RAB3IP: variants seen among roughly 807,000 people sequenced by gnomAD.
RAB3IP encodes the protein rab-3A-interacting protein.
A neutral mutation model predicts 59.1 loss-of-function variants in RAB3IP; 36 were observed. The observed-to-expected ratio is 0.61, with a 90% CI of 0.47 to 0.80. RAB3IP has a LOEUF of 0.80. Among genes scored for constraint, RAB3IP ranks in the 30% least tolerant of loss-of-function variants. RAB3IP has a pLI of 0.00. For synonymous variants in RAB3IP, 207 were observed against 191.2 expected (o/e 1.08, Z -0.68); for missense variants, 511 against 536.0 (o/e 0.95, Z 0.46).
At chr12:69,789,785 C>G (rs575444920) in intron 4 of RAB3IP, among the ~76,000 whole-genome samples, 1 of 152,078 alleles carries the variant, frequency 6.6e-6, no homozygotes, top group South Asian at 2.1e-4. Context: ...TCAACATAGG[C>G]AAATCAATCA....
intron 3 of RAB3IP, among the ~76,000 whole-genome samples, chr12:69,759,438 C>T (rs1429644885): frequency 1.3e-5 from 2 of 152,092 alleles, no homozygotes; most frequent in Non-Finnish European, 2.9e-5. Flanking sequence ...CCACCTTTCC[C>T]CCTTTTCTAT....
chr12:69,784,291 C>T (rs1454584724), intron 3 of RAB3IP, among the ~76,000 whole-genome samples: 3 of 151,620 alleles, frequency 2.0e-5, no homozygotes, highest in African/African-American at 7.3e-5. Context: ...ATGAAGTTAC[C>T]TATAAGTAAA....
At chr12:69,740,473 AT>A (rs1258753264) in intron 1 of RAB3IP, among the ~76,000 whole-genome samples, 4 of 152,152 alleles carry the variant, frequency 2.6e-5, no homozygotes, top group African/African-American at 9.7e-5. Context: ...AAGCCATTGC[AT>A]TTTTTTCCAT....
At position 69,819,500 on chromosome 12, in the gene RAB3IP, A is replaced by G. The variant is rs548497478; in HGVS notation, c.*4054A>G. The G allele has an allele frequency of 2.6e-5, 4 of 152,466 alleles. No homozygotes were observed. Among genetic ancestry groups the G allele is most frequent in the Admixed American group, 2.6e-4 (4 of 15,294 alleles). The allele number at this position is 152,466 out of a possible 1,614,324, so 9.4% of individuals were successfully genotyped here. ...GAGAAAATTTGGGGAGTAGTTAGCCATGGGATCAGATGGGCGCTTTAGGGA... is the reference window on the plus strand; with the variant it reads ...GAGAAAATTTGGGGAGTAGTTAGCCGTGGGATCAGATGGGCGCTTTAGGGA... On this transcript the variant is annotated 3_prime_UTR_variant, in exon 11 of 11. Coordinates refer to ENST00000247833, the MANE Select transcript of RAB3IP (RefSeq NM_022456.5).
intron 1 of RAB3IP, among the ~76,000 whole-genome samples, chr12:69,745,155 A>G (rs1026733006): frequency 6.6e-6 from 1 of 152,164 alleles, no homozygotes; most frequent in Non-Finnish European, 1.5e-5. Context: ...TCCCACTTCT[A>G]TATTATTTTG....
chr12:69,755,214 T>G (rs1438771954), intron 1 of RAB3IP, among the ~76,000 whole-genome samples, 170 bp from the exon 2 acceptor site: 2 of 152,126 alleles, frequency 1.3e-5, no homozygotes, highest in Non-Finnish European at 2.9e-5. Context: ...GAGTAGCTGG[T>G]ACTACAGGCA....
intron 3 of RAB3IP, among the ~76,000 whole-genome samples, chr12:69,771,980 A>G (rs1336941967): frequency 1.3e-5 from 2 of 152,134 alleles, no homozygotes; most frequent in African/African-American, 4.8e-5. Context: ...CCATTTTAAA[A>G]TTATGTTATT....
intron 6 of RAB3IP, among the ~76,000 whole-genome samples, chr12:69,797,477 C>CTTTT: frequency 2.4e-4 from 13 of 54,920 alleles, no homozygotes; most frequent in East Asian, 6.4e-4. Context: ...TCTTTTCTTT[C>CTTTT]TTTTTTTTTT....
rs573741819 is a variant in RAB3IP, at chr12:69,764,519, C to G, written c.510+7856C>G. Among the ~76,000 whole-genome samples the G allele has an allele frequency of 2.3e-4, 35 of 152,214 alleles. No individual in the cohort carries two copies. The South Asian group carries it at 6.6e-3, about 29-fold the overall frequency. ...TTAGTCTATGTGTCTGTTTTTGTACCAGCACCATGCTGTTTTGATTACTGT... is the reference window on the plus strand; with the variant it reads ...TTAGTCTATGTGTCTGTTTTTGTACGAGCACCATGCTGTTTTGATTACTGT... On this transcript the variant is annotated intron_variant, in intron 3 of 10. Transcript: ENST00000247833.
intron 1 of RAB3IP, among the ~76,000 whole-genome samples, chr12:69,741,146 G>T (rs1887296570): frequency 6.6e-6 from 1 of 152,226 alleles, no homozygotes; most frequent in Admixed American, 6.5e-5. Context: ...TGTGGGGAAG[G>T]GGAGAAGGAA....
intron 1 of RAB3IP, among the ~76,000 whole-genome samples, chr12:69,743,922 A>G (rs970353130): frequency 6.7e-6 from 1 of 150,014 alleles, no homozygotes; most frequent in Non-Finnish European, 1.5e-5. Flanking sequence ...TAGTTGGCAT[A>G]TATTCTTAAG....
At chr12:69,781,789 G>C (rs1329447796) in intron 3 of RAB3IP, among the ~76,000 whole-genome samples, 2 of 152,186 alleles carry the variant, frequency 1.3e-5, no homozygotes, top group Admixed American at 6.5e-5. Flanking sequence ...GCCATCTGCT[G>C]CTTCTAAGTT....
intron 3 of RAB3IP, among the ~76,000 whole-genome samples, chr12:69,765,999 G>A (rs1473024331): frequency 2.0e-5 from 3 of 152,222 alleles, no homozygotes; most frequent in Non-Finnish European, 2.9e-5. Context: ...TAAGGTTTCT[G>A]CTGAGAAGTC....
chr12:69,794,929 A>G (rs949760011), intron 5 of RAB3IP, among the ~76,000 whole-genome samples: 2 of 152,212 alleles, frequency 1.3e-5, no homozygotes, highest in Non-Finnish European at 2.9e-5. Context: ...GGTAATTTTC[A>G]CAGGCTCATT....
chr12:69,798,756 T>TC (rs1327573181), intron 6 of RAB3IP, among the ~76,000 whole-genome samples: 1 of 152,192 alleles, frequency 6.6e-6, no homozygotes, highest in Non-Finnish European at 1.5e-5. Context: ...TAGCCAGTTT[T>TC]CCCAGCACCA....
chr12:69,797,183 TACAC>T (rs1381113965), intron 6 of RAB3IP, among the ~76,000 whole-genome samples: 2 of 152,232 alleles, frequency 1.3e-5, no homozygotes, highest in Admixed American at 1.3e-4. Flanking sequence ...ACATTTAAAA[TACAC>T]ATGCATGCAT....
Position 69,815,461 on chromosome 12 carries a change from C to A in RAB3IP, c.*15C>A. Reference sequence around the variant, plus strand: ...AGGAACTCTGATGCTCTGCGTGGGACCATGCCTGAACTCCCCGAATAACTG... The same window carrying A: ...AGGAACTCTGATGCTCTGCGTGGGAACATGCCTGAACTCCCCGAATAACTG... On this transcript the variant is annotated 3_prime_UTR_variant, in exon 11 of 11. Coordinates refer to ENST00000247833, the MANE Select transcript of RAB3IP (RefSeq NM_022456.5). 6.4e-7 allele frequency: 1 copy of A among 1,567,166 alleles called. No homozygotes were observed. Among genetic ancestry groups the A allele is most frequent in the Non-Finnish European group, 8.8e-7 (1 of 1,138,312 alleles).
chr12:69,752,140 A>T (rs1869426838), intron 1 of RAB3IP, among the ~76,000 whole-genome samples: 1 of 150,864 alleles, frequency 6.6e-6, no homozygotes, highest in Non-Finnish European at 1.5e-5. Context: ...AGTGGTTAGG[A>T]CTATAGGCCT....
In RAB3IP at chr12:69,819,208, C is replaced by T. The variant is rs1342386018; in HGVS notation, c.*3762C>T. 6.6e-6 allele frequency: 1 copy of T among 151,910 alleles called. No individual in the cohort carries two copies. Among genetic ancestry groups the T allele is most frequent in the African/African-American group, 2.4e-5 (1 of 41,362 alleles). The allele number at this position is 151,910 out of a possible 1,614,324, so 9.4% of individuals were successfully genotyped here. On this transcript the variant is annotated 3_prime_UTR_variant, in exon 11 of 11. Coordinates refer to ENST00000247833, the MANE Select transcript of RAB3IP (RefSeq NM_022456.5). ...AGTTATATGTGCCTTCATTCCAAAA[C>T]AAAAAATAAAAGGTAAGAAAATTGT... is the stretch of plus-strand genomic sequence containing the variant.
Sources: gnomAD v4.1 joint callset for allele counts (sites outside exome capture counted in the v4.1 genomes callset) on GRCh38, gnomAD v4.1.1 for gene constraint, MANE v1.5 for transcripts, NCBI Gene and HGNC (gene_info 2026-07-23, HGNC 2026-07-21) for gene names.